Variants in DEPDC1B observed in about 807,000 individuals in gnomAD.
DEPDC1B encodes the protein DEP domain containing 1B, also known as DEP domain-containing protein 1B.
In DEPDC1B, 51 loss-of-function variants were observed where a neutral mutation model predicts 66.5. That is an observed-to-expected ratio of 0.77 (90% CI 0.61 to 0.97). The LOEUF is 0.97. Among genes scored for constraint, DEPDC1B ranks in the 50% least tolerant of loss-of-function variants. The pLI is 0.00. For missense variants in DEPDC1B, 552 were observed against 637.1 expected (o/e 0.87, Z 1.44); for synonymous variants, 226 against 223.6 (o/e 1.01, Z -0.10).
chr5:60,615,564 G>C (rs914720923), intron 7 of DEPDC1B, among the ~76,000 whole-genome samples: 1 of 152,190 alleles, frequency 6.6e-6, no homozygotes, highest in Non-Finnish European at 1.5e-5. Context: ...ACAGCAGTCT[G>C]AGATCAAACT....
chr5:60,647,317 A>C (rs1342972604), intron 3 of DEPDC1B, 81 bp downstream of exon 3: 1 of 1,486,790 alleles, frequency 6.7e-7, no homozygotes, highest in Non-Finnish European at 8.9e-7. Flanking sequence ...TTCATAAAGG[A>C]CCACAGAAAG....
chr5:60,633,882 A>G lies in DEPDC1B; in HGVS notation c.898+4868T>C, dbSNP rs561177904. Among the ~76,000 whole-genome samples the G allele has an allele frequency of 1.3e-4, 20 of 152,294 alleles. No individual in the cohort carries two copies. In the South Asian group the frequency reaches 3.9e-3, roughly 30 times the overall value. ...GCTATAAAATACCATTTTATTTGAA[A>G]CTATGCCTCAGAAATAGATAGTACA... On this transcript the variant is annotated intron_variant, in intron 7 of 10. Coordinates refer to ENST00000265036, the MANE Select transcript of DEPDC1B (RefSeq NM_018369.3).
At chr5:60,644,080 G>A (rs1322517864) in intron 5 of DEPDC1B, among the ~76,000 whole-genome samples, 2 of 152,132 alleles carry the variant, frequency 1.3e-5, no homozygotes, top group Admixed American at 1.3e-4. Flanking sequence ...TTGAACTAAA[G>A]GAAGAACAAA....
intron 8 of DEPDC1B, 90 bp from the exon 9 acceptor site, chr5:60,603,657 T>C: frequency 7.4e-7 from 1 of 1,357,864 alleles, no homozygotes; most frequent in Non-Finnish European, 9.9e-7. Context: ...ATATGAGAAA[T>C]GGTCTAAGGC....
intron 7 of DEPDC1B, among the ~76,000 whole-genome samples, chr5:60,633,716 T>A (rs1020602963): frequency 1.3e-5 from 2 of 152,218 alleles, no homozygotes; most frequent in African/African-American, 4.8e-5. Context: ...AAGAAAGTGT[T>A]CTTGGAATTC....
At chr5:60,600,210 C>G (rs1380698226) in intron 9 of DEPDC1B, among the ~76,000 whole-genome samples, 1 of 152,108 alleles carries the variant, frequency 6.6e-6, no homozygotes, top group Non-Finnish European at 1.5e-5. Flanking sequence ...TTCCTAACAT[C>G]TTACCCATGA....
intron 2 of DEPDC1B, among the ~76,000 whole-genome samples, chr5:60,652,931 A>G (rs1753489089): frequency 6.7e-6 from 1 of 149,168 alleles, no homozygotes; most frequent in African/African-American, 2.5e-5. Context: ...AAATGTCATT[A>G]TTTTGTTCCT....
chr5:60,627,828 A>G (rs1752837518), intron 7 of DEPDC1B, among the ~76,000 whole-genome samples: 1 of 152,166 alleles, frequency 6.6e-6, no homozygotes, highest in Non-Finnish European at 1.5e-5. Flanking sequence ...ATAGGAGGAA[A>G]GTATTACCCA....
Position 60,603,846 on chromosome 5 carries a change from T to TATATATATAC in DEPDC1B, c.1066-280_1066-279insGTATATATAT, listed in dbSNP as rs1491589366. Among the ~76,000 whole-genome samples the TATATATATAC allele has an allele frequency of 7.4e-5, 10 of 134,394 alleles. No individual in the cohort carries two copies. In the South Asian group the frequency reaches 1.4e-3, roughly 19 times the overall value. The allele number at this position is 134,394 out of a possible 152,430, so 88.2% of individuals were successfully genotyped here. On this transcript the variant is annotated intron_variant, in intron 8 of 10. Coordinates refer to ENST00000265036, the MANE Select transcript of DEPDC1B (RefSeq NM_018369.3). The stretch of plus-strand genomic sequence containing the variant: ...ATATACATATATATATATATATATA[T>TATATATATAC]ACACACACATACACACATATAAATA...
Position 60,700,081 on chromosome 5 carries a change from T to C in DEPDC1B, c.13A>G (p.Ile5Val), listed in dbSNP as rs1043702319. 2.6e-6 allele frequency: 4 copies of C among 1,557,416 alleles called. No homozygotes were observed. The highest frequency in any genetic ancestry group is 3.5e-6 in the Non-Finnish European group (4 of 1,152,980). MEHR[I>V]VGPGPYRATR... ...GCTCGGTACGGCCCGGGCCCCACGA[T>C]GCGATGCTCCATGGCGCGTAGGCAG... Residue 5 changes from isoleucine to valine, a missense_variant, in exon 1 of 11, where the codon ATC becomes GTC. Transcript: ENST00000265036.
chr5:60,648,754 A>G (rs1448862793), intron 2 of DEPDC1B, among the ~76,000 whole-genome samples: 1 of 152,212 alleles, frequency 6.6e-6, no homozygotes, highest in African/African-American at 2.4e-5. Flanking sequence ...TAAGTTAAAG[A>G]TAGTTTAAAG....
At chr5:60,688,539 A>G (rs1219424391) in intron 1 of DEPDC1B, among the ~76,000 whole-genome samples, 2 of 152,218 alleles carry the variant, frequency 1.3e-5, no homozygotes, top group Non-Finnish European at 2.9e-5. Context: ...AGCCTATCAC[A>G]GTGTCTGTCA....
chr5:60,658,455 G>A (rs2111930951), intron 2 of DEPDC1B, among the ~76,000 whole-genome samples: 1 of 152,236 alleles, frequency 6.6e-6, no homozygotes, highest in Middle Eastern at 3.4e-3. Flanking sequence ...GGGATCAAGG[G>A]CTATTGTTCA....
chr5:60,695,862 G>C (rs1371652031), intron 1 of DEPDC1B, among the ~76,000 whole-genome samples: 3 of 152,152 alleles, frequency 2.0e-5, no homozygotes, highest in Non-Finnish European at 4.4e-5. Context: ...GCAGTGGCGT[G>C]ATCTCGGCTG....
At position 60,645,573 on chromosome 5, in the gene DEPDC1B, A is replaced by C. The variant is rs775506184; in HGVS notation, c.497T>G (p.Val166Gly). The change falls in exon 4 of 11, where the codon GTG becomes GGG. Residue 166 changes from valine (V) to glycine (G), a missense_variant. By Grantham distance (109) the Val-to-Gly change is moderately radical. Transcript: ENST00000265036. ...GCGGTGGACAAGACGGCAAGCTGGC[A>C]CCTCTCCAATTGCAATACTGTGACG... ...YKRHSIAIGEVPACRLVHRRQ... is the reference protein window; with the variant it reads ...YKRHSIAIGEGPACRLVHRRQ... 6.2e-7 allele frequency: 1 copy of C among 1,613,180 alleles called. No individual in the cohort carries two copies. The highest frequency in any genetic ancestry group is 8.5e-7 in the Non-Finnish European group (1 of 1,179,476).
intron 10 of DEPDC1B, 44 bp downstream of exon 10, chr5:60,599,031 C>A: frequency 2.3e-5 from 34 of 1,447,662 alleles, no homozygotes; most frequent in East Asian, 9.8e-5. Flanking sequence ...AACATAAAAA[C>A]AGTAGGGAGG....
At chr5:60,613,788 T>TTGTGTG (rs36109910) in intron 7 of DEPDC1B, among the ~76,000 whole-genome samples, 1,904 of 103,334 alleles carry the variant, frequency 0.018, 37 homozygotes, top group South Asian at 0.082. Flanking sequence ...ACATATGTAT[T>TTGTGTG]TGTGTGTGTG....
At chr5:60,669,943 A>G (rs879283468) in intron 2 of DEPDC1B, among the ~76,000 whole-genome samples, 1 of 152,198 alleles carries the variant, frequency 6.6e-6, no homozygotes. Context: ...AAGAAAAACT[A>G]CAACCACTTA....
At chr5:60,671,615 T>A (rs2111986392) in intron 2 of DEPDC1B, among the ~76,000 whole-genome samples, 1 of 152,280 alleles carries the variant, frequency 6.6e-6, no homozygotes, top group Middle Eastern at 3.4e-3. Context: ...TTCCCTGAGG[T>A]CAGGCCTTCA....
Sources: gnomAD v4.1 joint callset for allele counts (sites outside exome capture counted in the v4.1 genomes callset) on GRCh38, gnomAD v4.1.1 for gene constraint, MANE v1.5 for transcripts, NCBI Gene and HGNC (gene_info 2026-07-23, HGNC 2026-07-21) for gene names.